PEAK1: variants seen among roughly 807,000 people sequenced by gnomAD.
PEAK1 encodes pseudopodium enriched atypical kinase 1, also known as inactive tyrosine-protein kinase PEAK1.
A neutral mutation model predicts 124.7 loss-of-function variants in PEAK1; 54 were observed. That is an observed-to-expected ratio of 0.43 (90% CI 0.35 to 0.54). The LOEUF is 0.54. PEAK1 is among the 20% of genes least tolerant of loss of function. PEAK1 has a pLI of 0.01. For missense variants in PEAK1, 2,046 were observed against 2,134.5 expected (o/e 0.96, Z 0.82); for synonymous variants, 719 against 760.0 (o/e 0.95, Z 0.89).
chr15:77,324,025 A>C (rs1415069194), intron 2 of PEAK1, among the ~76,000 whole-genome samples: 1 of 152,182 alleles, frequency 6.6e-6, no homozygotes, highest in African/African-American at 2.4e-5. Context: ...CAAAAACAAG[A>C]AATGGGGAAA....
chr15:77,224,224 C>G (rs1441347425), intron 6 of PEAK1, among the ~76,000 whole-genome samples: 3 of 151,608 alleles, frequency 2.0e-5, no homozygotes, highest in Admixed American at 6.6e-5. Context: ...TTAGACTCTT[C>G]TACTTTATAA....
At chr15:77,287,554 T>C (rs1475963087) in intron 2 of PEAK1, among the ~76,000 whole-genome samples, 1 of 152,172 alleles carries the variant, frequency 6.6e-6, no homozygotes, top group East Asian at 1.9e-4. Context: ...CTTCCCAGTT[T>C]CCTTTTTGGG....
At chr15:77,336,306 G>C in intron 2 of PEAK1, 15 of 985,418 alleles carry the variant, frequency 1.5e-5, no homozygotes, top group Non-Finnish European at 1.8e-5. Flanking sequence ...CTGGTAGGCA[G>C]AGTTACTTGC....
intron 1 of PEAK1, chr15:77,381,360 C>T (rs2069463480): frequency 1.3e-6 from 1 of 759,332 alleles, no homozygotes; most frequent in Non-Finnish European, 1.6e-6. Context: ...GGCTGTAGTG[C>T]ACTATGATGG....
intron 2 of PEAK1, among the ~76,000 whole-genome samples, chr15:77,303,594 G>A (rs563345528): frequency 1.3e-5 from 2 of 152,030 alleles, no homozygotes; most frequent in East Asian, 3.9e-4. Flanking sequence ...TTTTAAATTG[G>A]GTTATTTTCT....
chr15:77,317,729 A>T (rs1298717246), intron 2 of PEAK1, among the ~76,000 whole-genome samples: 1 of 152,238 alleles, frequency 6.6e-6, no homozygotes, highest in East Asian at 1.9e-4. Flanking sequence ...CTGAATTCAA[A>T]TTGAACAGCT....
At chr15:77,250,257 A>ATATTTT in intron 6 of PEAK1, among the ~76,000 whole-genome samples, 1 of 126,214 alleles carries the variant, frequency 7.9e-6, no homozygotes, top group African/African-American at 3.0e-5. Flanking sequence ...ATATATATAT[A>ATATTTT]TTTTTTTTTG....
In PEAK1 at chr15:77,109,754, G is replaced by A. The variant is rs1313164507; in HGVS notation, c.*4402C>T. The A allele has an allele frequency of 2.6e-5, 4 of 152,182 alleles. No individual in the cohort carries two copies. Among genetic ancestry groups the A allele is most frequent in the Non-Finnish European group, 2.9e-5 (2 of 68,042 alleles). The allele number at this position is 152,182 out of a possible 1,614,324, so 9.4% of individuals were successfully genotyped here. A position where few individuals can be genotyped will look rare whatever the true frequency, so the allele number is the denominator to read the frequency against. ...AGCCATCCTGTTCACTCATTAGGCT[G>A]GAGCGGAATTTTCAATCCTTGTCAA... On this transcript the variant is annotated 3_prime_UTR_variant, in exon 10 of 10. Transcript: ENST00000682557.
At chr15:77,265,163 C>A (rs1214260184) in intron 5 of PEAK1, among the ~76,000 whole-genome samples, 2 of 152,062 alleles carry the variant, frequency 1.3e-5, no homozygotes, top group Admixed American at 1.3e-4. Flanking sequence ...TAGAAGAAAA[C>A]CCAGGCATTA....
At chr15:77,125,113 C>T (rs1439808311) in intron 9 of PEAK1, among the ~76,000 whole-genome samples, 1 of 152,110 alleles carries the variant, frequency 6.6e-6, no homozygotes, top group Non-Finnish European at 1.5e-5. Flanking sequence ...ATGTTTTATA[C>T]AGTAAACATT....
intron 1 of PEAK1, among the ~76,000 whole-genome samples, chr15:77,386,705 A>AAGCCAAGAGAGATG (rs2069974288): frequency 6.6e-6 from 1 of 152,210 alleles, no homozygotes; most frequent in South Asian, 2.1e-4. Flanking sequence ...GTGAGAAATG[A>AAGCCAAGAGAGATG]AGCCAAGAGA....
At chr15:77,288,745 A>T (rs968015466) in intron 2 of PEAK1, among the ~76,000 whole-genome samples, 2 of 152,080 alleles carry the variant, frequency 1.3e-5, no homozygotes, top group Non-Finnish European at 2.9e-5. Flanking sequence ...GATCAAGACC[A>T]TGGTGAAACC....
At chr15:77,360,671 CTA>C (rs2067832206) in intron 2 of PEAK1, among the ~76,000 whole-genome samples, 1 of 152,050 alleles carries the variant, frequency 6.6e-6, no homozygotes, top group African/African-American at 2.4e-5. Flanking sequence ...CAGGACTTGA[CTA>C]TGTGTGAATT....
chr15:77,213,448 T>G (rs1378435782), intron 6 of PEAK1, among the ~76,000 whole-genome samples: 3 of 152,056 alleles, frequency 2.0e-5, no homozygotes, highest in Non-Finnish European at 4.4e-5. Flanking sequence ...TCCCAGCACT[T>G]TAGGAGGCCG....
chr15:77,102,980 C>G (rs765214277), exon 7 of PEAK1: 9 of 152,160 alleles, frequency 5.9e-5, no homozygotes, highest in Non-Finnish European at 1.3e-4. Context: ...ATCTTTTATA[C>G]TTCTCAGTAG....
intron 6 of PEAK1, among the ~76,000 whole-genome samples, chr15:77,212,474 T>C (rs2058949433): frequency 6.6e-6 from 1 of 152,224 alleles, no homozygotes; most frequent in Non-Finnish European, 1.5e-5. Flanking sequence ...GTCAGTCTCC[T>C]AAATTTTAAA....
At chr15:77,283,455 GA>G (rs990258980) in intron 5 of PEAK1, among the ~76,000 whole-genome samples, 4 of 150,252 alleles carry the variant, frequency 2.7e-5, no homozygotes, top group African/African-American at 7.3e-5. Context: ...AGACAATTTA[GA>G]AAAAAAAATT....
intron 2 of PEAK1, among the ~76,000 whole-genome samples, chr15:77,291,976 CAAAA>C (rs34817180): frequency 9.3e-5 from 10 of 107,618 alleles, no homozygotes; most frequent in Admixed American, 2.8e-4. Context: ...GACTCCGTCT[CAAAA>C]AAAAAAAAAA....
intron 9 of PEAK1, among the ~76,000 whole-genome samples, chr15:77,120,114 G>A (rs183429757): frequency 6.6e-6 from 1 of 152,300 alleles, no homozygotes; most frequent in East Asian, 1.9e-4. Context: ...TGAATGGCAT[G>A]GTGTTACTCA....
Sources: gnomAD v4.1 joint callset for allele counts (sites outside exome capture counted in the v4.1 genomes callset) on GRCh38, gnomAD v4.1.1 for gene constraint, MANE v1.5 for transcripts, NCBI Gene and HGNC (gene_info 2026-07-23, HGNC 2026-07-21) for gene names.